LRRC37A2: variants seen among roughly 807,000 people sequenced by gnomAD.
The protein encoded by LRRC37A2 is leucine rich repeat containing 37 member A2, also known as leucine-rich repeat-containing protein 37A2.
LRRC37A2 carries 9 observed loss-of-function variants against 68.8 expected under a neutral mutation model. The ratio of observed to expected loss-of-function variants is 0.13; its 90% confidence interval spans 0.08 to 0.23. The LOEUF (loss-of-function observed/expected upper bound fraction) is 0.23, where lower values mean the gene tolerates loss of function less well. LRRC37A2 is among the 10% of genes least tolerant of loss of function. The probability of loss-of-function intolerance (pLI) is 1.00; values close to 1 mark genes in which losing one functional copy is unlikely to be tolerated. For missense variants in LRRC37A2, 168 were observed against 950.4 expected (o/e 0.18, Z 10.82); for synonymous variants, 63 against 367.6 (o/e 0.17, Z 9.48).
At chr17:46,902,016 C>T in the LRRC37A2 span, among the ~76,000 whole-genome samples, 3 of 152,140 alleles carry the variant, frequency 2.0e-5, no homozygotes, top group Admixed American at 6.6e-5. Flanking sequence ...CCATGTTGGC[C>T]AGGCTGGTCT....
chr17:46,860,080 C>T, the LRRC37A2 span, among the ~76,000 whole-genome samples: 1 of 152,130 alleles, frequency 6.6e-6, no homozygotes, highest in Admixed American at 6.5e-5. Flanking sequence ...AGCCAAACAT[C>T]GCTGATAAGA....
chr17:46,935,681 G>A, the LRRC37A2 span: 35 of 990,812 alleles, frequency 3.5e-5, no homozygotes, highest in Admixed American at 1.1e-4. Context: ...AGCTTCTAGA[G>A]CTTCTAAAGC....
the LRRC37A2 span, among the ~76,000 whole-genome samples, chr17:46,810,190 T>C: frequency 6.6e-6 from 1 of 151,962 alleles, no homozygotes; most frequent in Admixed American, 6.5e-5. Context: ...GTATTTTTAG[T>C]AGAGACAGGG....
chr17:46,498,871 A>G, the LRRC37A2 span, among the ~76,000 whole-genome samples: 9 of 150,810 alleles, frequency 6.0e-5, 1 homozygote, highest in African/African-American at 1.7e-4. Flanking sequence ...CTTTCAATGT[A>G]TGTAGATATA....
At chr17:46,945,782 C>T in the LRRC37A2 span, among the ~76,000 whole-genome samples, 1 of 152,148 alleles carries the variant, frequency 6.6e-6, no homozygotes. Flanking sequence ...GTGGGGACCT[C>T]TATAGGAGGG....
the LRRC37A2 span, among the ~76,000 whole-genome samples, chr17:46,841,108 A>G: frequency 4.6e-3 from 700 of 152,320 alleles, 10 homozygotes; most frequent in African/African-American, 0.016. Flanking sequence ...GAGGGTGCCG[A>G]CAGACAAGGC....
the LRRC37A2 span, among the ~76,000 whole-genome samples, chr17:46,804,422 C>T: frequency 1.3e-5 from 2 of 152,076 alleles, no homozygotes; most frequent in Non-Finnish European, 2.9e-5. Context: ...ATGTGTTTTC[C>T]GTCATAAGCC....
the LRRC37A2 span, chr17:47,022,019 T>C: frequency 7.2e-6 from 8 of 1,110,104 alleles, no homozygotes; most frequent in East Asian, 1.6e-4. Context: ...GGAAAGATAT[T>C]TCTCCTCCAT....
At chr17:46,485,950 C>G in the LRRC37A2 span, among the ~76,000 whole-genome samples, 1 of 78,844 alleles carries the variant, frequency 1.3e-5, no homozygotes, top group Non-Finnish European at 3.0e-5. Context: ...TGCACTCCAG[C>G]CTGGGGGACA....
rs1207493234 is a variant in LRRC37A2, at chr17:46,533,637, G to A, written c.2907-6539G>A. On this transcript the variant is annotated intron_variant, in intron 6 of 14. Coordinates refer to ENST00000576629, the Ensembl canonical transcript of LRRC37A2. ...GTGCCTCAGCCTCCTGAGTAGCTGG[G>A]ACTGCAGGCACGTAACACCACACCC... Among the ~76,000 whole-genome samples the A allele has an allele frequency of 4.7e-5, 3 of 63,826 alleles. No homozygotes were observed. In the Admixed American group the frequency reaches 5.4e-4, roughly 11 times the overall value. 41.9% of individuals were successfully genotyped at this position (63,826 alleles called of 152,430 possible).
chr17:46,974,650 C>T, the LRRC37A2 span, among the ~76,000 whole-genome samples: 7 of 151,738 alleles, frequency 4.6e-5, no homozygotes, highest in Admixed American at 4.6e-4. Flanking sequence ...AGGAGGATGG[C>T]GTGAACCCGG....
At chr17:46,875,408 G>T in the LRRC37A2 span, 1 of 1,542,592 alleles carries the variant, frequency 6.5e-7, no homozygotes, top group African/African-American at 1.4e-5. Context: ...TCCCACCAGG[G>T]TACACAGCTG....
chr17:46,876,441 G>T, the LRRC37A2 span: 2 of 1,613,734 alleles, frequency 1.2e-6, no homozygotes, highest in Middle Eastern at 1.6e-4. Context: ...GCCCCTGCCA[G>T]GCAGGGCAGC....
At chr17:46,770,951 G>T in the LRRC37A2 span, among the ~76,000 whole-genome samples, 1 of 152,244 alleles carries the variant, frequency 6.6e-6, no homozygotes, top group Non-Finnish European at 1.5e-5. Flanking sequence ...CCCGGGAGCC[G>T]GAGGTGACTC....
the LRRC37A2 span, among the ~76,000 whole-genome samples, chr17:46,929,181 C>T: frequency 2.6e-5 from 4 of 152,180 alleles, no homozygotes; most frequent in African/African-American, 9.7e-5. Flanking sequence ...AGGTTTATCA[C>T]TTGCTGTGTG....
At chr17:46,896,060 T>C in the LRRC37A2 span, among the ~76,000 whole-genome samples, 3 of 151,678 alleles carry the variant, frequency 2.0e-5, no homozygotes, top group Non-Finnish European at 4.4e-5. Flanking sequence ...GGGCAGATCA[T>C]GAGGTCAGGA....
the LRRC37A2 span, chr17:46,721,693 C>T: frequency 6.2e-7 from 1 of 1,606,486 alleles, no homozygotes; most frequent in Non-Finnish European, 8.5e-7. Flanking sequence ...GTGCTTTGTC[C>T]AAATGAACCT....
the LRRC37A2 span, among the ~76,000 whole-genome samples, chr17:46,895,439 G>A: frequency 1.3e-5 from 2 of 152,190 alleles, no homozygotes; most frequent in Admixed American, 6.5e-5. Context: ...GCTCTCACCC[G>A]TGAGGTGGGG....
intron 8 of LRRC37A2, among the ~76,000 whole-genome samples, chr17:46,545,739 CTTA>C (rs1483206718): frequency 3.2e-4 from 44 of 136,356 alleles, no homozygotes; most frequent in African/African-American, 6.0e-5. Context: ...TATGTGGTAA[CTTA>C]TTGTTGTTAT....
Sources: gnomAD v4.1 joint callset for allele counts (sites outside exome capture counted in the v4.1 genomes callset) on GRCh38, gnomAD v4.1.1 for gene constraint, MANE v1.5 for transcripts, NCBI Gene and HGNC (gene_info 2026-07-23, HGNC 2026-07-21) for gene names.